Variants in KCNJ6 observed in about 807,000 individuals in gnomAD.
KCNJ6 encodes G protein-activated inward rectifier potassium channel 2.
A neutral mutation model predicts 34.2 loss-of-function variants in KCNJ6; 9 were observed. That is an observed-to-expected ratio of 0.26 (90% CI 0.16 to 0.46). KCNJ6 has a LOEUF of 0.46. Among genes scored for constraint, KCNJ6 ranks in the 20% least tolerant of loss-of-function variants. KCNJ6 has a pLI of 1.00. For missense variants in KCNJ6, 236 were observed against 531.3 expected (o/e 0.44, Z 5.46); for synonymous variants, 196 against 207.1 (o/e 0.95, Z 0.46).
At chr21:37,776,013 G>A (rs188861703) in intron 2 of KCNJ6, among the ~76,000 whole-genome samples, 18 of 151,666 alleles carry the variant, frequency 1.2e-4, no homozygotes, top group East Asian at 9.7e-4. Flanking sequence ...TGTTTGTATC[G>A]TCTTTTATTT....
chr21:37,611,022 T>A lies in KCNJ6; in HGVS notation c.*14137A>T, dbSNP rs1322949805. ...AATTCACGAAATTGAAAATAGGAAA[T>A]CAATAAAATAAATAGAAACAAAGTT... On this transcript the variant is annotated 3_prime_UTR_variant, in exon 4 of 4. Coordinates refer to ENST00000609713, the MANE Select transcript of KCNJ6 (RefSeq NM_002240.5). 2 of 151,582 alleles carry A rather than the reference T, an allele frequency of 1.3e-5. No homozygotes were observed. Among genetic ancestry groups the A allele is most frequent in the Admixed American group, 6.6e-5 (1 of 15,232 alleles). The allele number at this position is 151,582 out of a possible 1,614,324, so 9.4% of individuals were successfully genotyped here.
Position 37,695,165 on chromosome 21 carries a change from T to C in KCNJ6, c.946+19046A>G, listed in dbSNP as rs1473893755. On this transcript the variant is annotated intron_variant, in intron 3 of 3. Transcript: ENST00000609713. The surrounding 1 kb of genome is among the most constrained non-coding windows in gnomAD (Gnocchi z 4.2). ...AGGAATGAAGTGAGCATGCACACCA[T>C]AATGATGCACAATCTTGCTGCATGC... Among the ~76,000 whole-genome samples the C allele has an allele frequency of 6.6e-6, 1 of 152,184 alleles. No homozygotes were observed. The highest frequency in any genetic ancestry group is 1.9e-4 in the East Asian group (1 of 5,188).
chr21:37,863,249 G>A (rs891241518), intron 1 of KCNJ6, among the ~76,000 whole-genome samples: 1 of 152,168 alleles, frequency 6.6e-6, no homozygotes, highest in African/African-American at 2.4e-5. Flanking sequence ...TAGGTTCTTA[G>A]TTTTTGAAAT....
intron 2 of KCNJ6, among the ~76,000 whole-genome samples, chr21:37,740,632 C>A (rs147812928): frequency 6.0e-4 from 92 of 152,336 alleles, no homozygotes; most frequent in African/African-American, 1.9e-3. Context: ...TGGGCACATA[C>A]ATGTTCTCAG....
intron 2 of KCNJ6, among the ~76,000 whole-genome samples, chr21:37,777,378 GCC>G (rs2055147558): frequency 6.6e-6 from 1 of 152,032 alleles, no homozygotes; most frequent in Non-Finnish European, 1.5e-5. Flanking sequence ...CCAGTGGCCA[GCC>G]TCACTTTCCC....
chr21:37,808,866 C>A (rs1320395758), intron 2 of KCNJ6, among the ~76,000 whole-genome samples: 2 of 152,124 alleles, frequency 1.3e-5, no homozygotes, highest in African/African-American at 4.8e-5. Context: ...TCTTTCTCCC[C>A]TTTTAACAGG....
intron 2 of KCNJ6, among the ~76,000 whole-genome samples, chr21:37,749,406 A>G (rs2054983456): frequency 1.3e-5 from 2 of 152,200 alleles, no homozygotes; most frequent in African/African-American, 4.8e-5. Context: ...GCTCGTGGAC[A>G]GAATGGGGCA....
chr21:37,715,600 G>T (rs2054786161), intron 2 of KCNJ6, among the ~76,000 whole-genome samples: 1 of 152,316 alleles, frequency 6.6e-6, no homozygotes, highest in South Asian at 2.1e-4. Flanking sequence ...TCCATATGGG[G>T]CTTGAGCCCC....
chr21:37,832,036 C>T (rs2055428582), intron 2 of KCNJ6, among the ~76,000 whole-genome samples: 1 of 152,092 alleles, frequency 6.6e-6, no homozygotes, highest in African/African-American at 2.4e-5. Flanking sequence ...GGAAGTATGC[C>T]TCTGGTAGGG....
chr21:37,885,320 A>G (rs1316722236), intron 1 of KCNJ6, among the ~76,000 whole-genome samples: 1 of 152,132 alleles, frequency 6.6e-6, no homozygotes, highest in Non-Finnish European at 1.5e-5. Context: ...AGACATGGAC[A>G]CAGGTGCTTG....
chr21:37,638,055 A>G (rs562742579), intron 3 of KCNJ6, among the ~76,000 whole-genome samples: 2 of 152,204 alleles, frequency 1.3e-5, no homozygotes, highest in Non-Finnish European at 2.9e-5. Context: ...GAGGGTTCTC[A>G]TTTAGGAGGC....
intron 3 of KCNJ6, among the ~76,000 whole-genome samples, chr21:37,677,708 C>A (rs1263690206): frequency 6.8e-6 from 1 of 148,006 alleles, no homozygotes; most frequent in Non-Finnish European, 1.5e-5. Flanking sequence ...TTTATCCATT[C>A]ATTCAATCCA....
chr21:37,718,739 A>C (rs1171157296), intron 2 of KCNJ6, among the ~76,000 whole-genome samples: 1 of 152,188 alleles, frequency 6.6e-6, no homozygotes, highest in African/African-American at 2.4e-5. Context: ...TGGGTGCAGC[A>C]CACCAACATG....
chr21:37,667,840 CT>C (rs1290858886), intron 3 of KCNJ6, among the ~76,000 whole-genome samples: 1 of 152,146 alleles, frequency 6.6e-6, no homozygotes, highest in Non-Finnish European at 1.5e-5. Flanking sequence ...CTGAGAACCA[CT>C]GTCCTAGGTC....
rs556572908 is a variant in KCNJ6, at chr21:37,849,958, T to C, written c.-27-9249A>G. Among the ~76,000 whole-genome samples the C allele has an allele frequency of 2.0e-5, 3 of 152,240 alleles. No homozygotes were observed. The South Asian group carries it at 6.2e-4, about 32-fold the overall frequency. On this transcript the variant is annotated intron_variant, in intron 1 of 3. Transcript: ENST00000609713. ...TACCAAATCACAACCAAAGAATGCA[T>C]AGAATGAATGGAATGTCCCTGAACA...
At chr21:37,773,580 G>T (rs1340962651) in intron 2 of KCNJ6, among the ~76,000 whole-genome samples, 1 of 152,028 alleles carries the variant, frequency 6.6e-6, no homozygotes, top group East Asian at 1.9e-4. Flanking sequence ...TTGGAGAGGG[G>T]GATGGAATTG....
chr21:37,758,616 T>C (rs894076633), intron 2 of KCNJ6, among the ~76,000 whole-genome samples: 2 of 152,124 alleles, frequency 1.3e-5, no homozygotes, highest in Non-Finnish European at 2.9e-5. Flanking sequence ...AAGTAAGGGA[T>C]TGTACAGACA....
At chr21:37,890,403 G>A (rs560585721) in intron 1 of KCNJ6, among the ~76,000 whole-genome samples, 2 of 152,302 alleles carry the variant, frequency 1.3e-5, no homozygotes, top group South Asian at 4.1e-4. Context: ...GGTGAGATTT[G>A]GGTGGGAACA....
At chr21:37,689,990 A>C (rs573661665) in intron 3 of KCNJ6, among the ~76,000 whole-genome samples, 29 of 152,330 alleles carry the variant, frequency 1.9e-4, no homozygotes, top group Middle Eastern at 3.4e-3. Context: ...TTTTAGATAA[A>C]TTATTTCAAA....
Sources: gnomAD v4.1 joint callset for allele counts (sites outside exome capture counted in the v4.1 genomes callset) on GRCh38, gnomAD v4.1.1 for gene constraint, Gnocchi (gnomAD v3.1) non-coding constraint, MANE v1.5 for transcripts, NCBI Gene and HGNC (gene_info 2026-07-23, HGNC 2026-07-21) for gene names.